Variants in SVIL observed in about 807,000 individuals in gnomAD.
SVIL encodes supervillin.
A neutral mutation model predicts 240.4 loss-of-function variants in SVIL; 101 were observed. That is an observed-to-expected ratio of 0.42 (90% confidence interval 0.36 to 0.50). SVIL has a LOEUF of 0.50. SVIL is among the 20% of genes least tolerant of loss of function. The pLI is 0.01. For synonymous variants in SVIL, 999 were observed against 1,100.0 expected (o/e 0.91, Z 1.82); for missense variants, 2,512 against 2,818.7 (o/e 0.89, Z 2.46).
intron 1 of SVIL, among the ~76,000 whole-genome samples, chr10:29,600,971 C>T (rs1478050988): frequency 6.6e-6 from 1 of 152,200 alleles, no homozygotes; most frequent in Non-Finnish European, 1.5e-5. Flanking sequence ...AAACCACATA[C>T]ATAGACACTC....
intron 32 of SVIL, among the ~76,000 whole-genome samples, chr10:29,468,124 C>T (rs1257275337): frequency 1.3e-5 from 2 of 152,214 alleles, no homozygotes; most frequent in Non-Finnish European, 2.9e-5. Context: ...AGTCACTCCG[C>T]ATTTCCCCCA....
At chr10:29,597,987 G>A (rs1439084965) in intron 1 of SVIL, among the ~76,000 whole-genome samples, 1 of 152,122 alleles carries the variant, frequency 6.6e-6, no homozygotes, top group Non-Finnish European at 1.5e-5. Flanking sequence ...TAGCTAAAAT[G>A]TGGAAGCAAC....
At chr10:29,718,065 C>T (rs1040919537) in intron 1 of SVIL, among the ~76,000 whole-genome samples, 4 of 152,124 alleles carry the variant, frequency 2.6e-5, no homozygotes, top group African/African-American at 9.7e-5. Flanking sequence ...CAGTGGCTCA[C>T]ACCTGTAATC....
chr10:29,559,931 C>A (rs528750188), intron 3 of SVIL, among the ~76,000 whole-genome samples: 47 of 152,302 alleles, frequency 3.1e-4, no homozygotes, highest in African/African-American at 1.1e-3. Flanking sequence ...CTGCAGGGTG[C>A]TTTTCTTGGG....
chr10:29,644,522 C>T (rs759980596), intron 3 of SVIL, among the ~76,000 whole-genome samples: 7 of 152,106 alleles, frequency 4.6e-5, no homozygotes, highest in Non-Finnish European at 8.8e-5. Context: ...GGCCAACCCA[C>T]AGAAGCCCGA....
chr10:29,641,000 C>A (rs1958466668), intron 3 of SVIL, among the ~76,000 whole-genome samples: 3 of 152,212 alleles, frequency 2.0e-5, no homozygotes, highest in Non-Finnish European at 4.4e-5. Context: ...TTGCTTCTTA[C>A]CCATGGAAGC....
chr10:29,469,284 A>G (rs941386405), intron 32 of SVIL, among the ~76,000 whole-genome samples: 3 of 152,116 alleles, frequency 2.0e-5, no homozygotes, highest in African/African-American at 7.2e-5. Flanking sequence ...CTTGTTTCAC[A>G]TCTGCCTCCC....
intron 2 of SVIL, among the ~76,000 whole-genome samples, chr10:29,566,884 T>A (rs558327153): frequency 6.6e-6 from 1 of 152,266 alleles, no homozygotes; most frequent in South Asian, 2.1e-4. Flanking sequence ...CAAAGGGGTG[T>A]CTGCAGGGTC....
chr10:29,695,527 C>T (rs933818344), intron 1 of SVIL, among the ~76,000 whole-genome samples: 2 of 152,076 alleles, frequency 1.3e-5, no homozygotes, highest in Non-Finnish European at 2.9e-5. Flanking sequence ...GGGTGGATCA[C>T]CTGAGGTCAG....
intron 1 of SVIL, among the ~76,000 whole-genome samples, chr10:29,576,621 T>C (rs1213713150): frequency 6.6e-6 from 1 of 152,222 alleles, no homozygotes; most frequent in Non-Finnish European, 1.5e-5. Flanking sequence ...CATAGTTCAC[T>C]GTTGCCTTGA....
chr10:29,685,431 C>T (rs1462419054), intron 2 of SVIL, among the ~76,000 whole-genome samples: 1 of 152,168 alleles, frequency 6.6e-6, no homozygotes, highest in Non-Finnish European at 1.5e-5. Context: ...ACGTTTGGGT[C>T]TATAGCCAGT....
rs1964829604 is a variant in SVIL at position 29,735,221 on chromosome 10, G to A, written c.-400+530C>T. Among the ~76,000 whole-genome samples, 1 of 152,150 alleles carries A rather than the reference G, an allele frequency of 6.6e-6. No homozygotes were observed. Among genetic ancestry groups the A allele is most frequent in the African/African-American group, 2.4e-5 (1 of 41,444 alleles). The stretch of plus-strand genomic sequence containing the variant: ...CCACGCATCGGGTTCAAACCCGCGC[G>A]GGCCCTGCGGAGGCGCCGGTCTGGG... On this transcript the variant is annotated intron_variant, in intron 1 of 35. Transcript: ENST00000375400. This position sits in a 1 kb window ranked among gnomAD's most constrained non-coding sequence, Gnocchi z 4.1.
intron 1 of SVIL, among the ~76,000 whole-genome samples, chr10:29,604,202 C>CT (rs34705681): frequency 0.012 from 1,615 of 134,932 alleles, 30 homozygotes; most frequent in African/African-American, 0.039. Context: ...TATTGTTCCT[C>CT]TTTTTTTTTT....
At chr10:29,708,687 A>C (rs900229745) in intron 1 of SVIL, among the ~76,000 whole-genome samples, 1 of 152,200 alleles carries the variant, frequency 6.6e-6, no homozygotes, top group Non-Finnish European at 1.5e-5. Context: ...AAAACATGCA[A>C]ATATAAAAGA....
At chr10:29,550,525 C>T in intron 6 of SVIL, 72 bp downstream of exon 6, 1 of 1,444,480 alleles carries the variant, frequency 6.9e-7, no homozygotes, top group Non-Finnish European at 9.2e-7. Flanking sequence ...ATAGCCAAAC[C>T]CTATCACACA....
chr10:29,533,904 C>T (rs748338424), intron 7 of SVIL, among the ~76,000 whole-genome samples: 9 of 152,166 alleles, frequency 5.9e-5, no homozygotes, highest in Non-Finnish European at 8.8e-5. Context: ...ATTGACCAAA[C>T]GCTGTAATTT....
chr10:29,623,796 A>G (rs1306191192), intron 1 of SVIL, among the ~76,000 whole-genome samples: 1 of 151,980 alleles, frequency 6.6e-6, no homozygotes, highest in Non-Finnish European at 1.5e-5. Flanking sequence ...GGTTGCAGTG[A>G]GCCGAGATCA....
intron 8 of SVIL, 133 bp from the exon 9 acceptor site, chr10:29,532,305 C>T: frequency 8.0e-7 from 1 of 1,249,524 alleles, no homozygotes; most frequent in Non-Finnish European, 1.1e-6. Flanking sequence ...CTCTACCATG[C>T]ACGTAAGGAA....
intron 2 of SVIL, among the ~76,000 whole-genome samples, chr10:29,660,480 T>C (rs1209835789): frequency 1.3e-5 from 2 of 152,030 alleles, no homozygotes; most frequent in Non-Finnish European, 2.9e-5. Flanking sequence ...AGGCATGGTG[T>C]TGCACACCTC....
Sources: allele counts gnomAD v4.1 joint callset (sites outside exome capture counted in the v4.1 genomes callset), GRCh38; gene constraint gnomAD v4.1.1; non-coding constraint Gnocchi (gnomAD v3.1); transcripts MANE v1.5; gene names NCBI Gene and HGNC (gene_info 2026-07-23, HGNC 2026-07-21).